Variants in ITGA8 observed in about 807,000 individuals in gnomAD.
ITGA8 encodes the protein integrin subunit alpha 8.
A neutral mutation model predicts 142.3 loss-of-function variants in ITGA8; 91 were observed. That is an observed-to-expected ratio of 0.64 (90% CI 0.54 to 0.76). The LOEUF (loss-of-function observed/expected upper bound fraction) is 0.76. Ranked by LOEUF, ITGA8 falls within the 30% of genes least tolerant of loss-of-function variation. The pLI is 0.00. For missense variants in ITGA8, 1,406 were observed against 1,327.7 expected, an observed-to-expected ratio of 1.06 and a Z score of -0.92; for synonymous variants, 505 against 485.2, an observed-to-expected ratio of 1.04 and a Z score of -0.54.
At chr10:15,580,678 C>T (rs1834391693) in intron 23 of ITGA8, among the ~76,000 whole-genome samples, 2 of 151,808 alleles carry the variant, frequency 1.3e-5, no homozygotes, top group African/African-American at 4.8e-5. Context: ...AAAAGAAAAA[C>T]AATTTAATCA....
In ITGA8 at chr10:15,519,328, A is replaced by G; in HGVS notation, c.3067T>C (p.Leu1023=). 6.2e-7 allele frequency: 1 copy of G among 1,613,820 alleles called. No homozygotes were observed. The highest frequency in any genetic ancestry group is 8.5e-7 in the Non-Finnish European group (1 of 1,179,862). The part of the protein sequence containing the change: ...WVIILAILLG[L]LVLAILTLAL... The stretch of plus-strand genomic sequence containing the variant: ...AAGGTTAAAATGGCGAGAACCAACA[A>G]TCCAAGAAGTATTGCTAGTATTATT... Residue 1023 remains leucine (L), a synonymous_variant, in exon 29 of 30, where the codon TTG becomes CTG. Transcript: ENST00000378076.
chr10:15,532,331 G>T (rs7915561), intron 27 of ITGA8, among the ~76,000 whole-genome samples: 7,940 of 147,054 alleles, frequency 0.054, 679 homozygotes, highest in African/African-American at 0.19. Context: ...AGGCGGGAGA[G>T]TTGCTTGAAC....
At chr10:15,625,609 G>T (rs1224880112) in intron 13 of ITGA8, among the ~76,000 whole-genome samples, 1 of 152,128 alleles carries the variant, frequency 6.6e-6, no homozygotes, top group Non-Finnish European at 1.5e-5. Context: ...AACTCCTATT[G>T]ATAAAAACCT....
chr10:15,688,302 C>CAAAAAA (rs35060475), intron 2 of ITGA8, among the ~76,000 whole-genome samples: 1 of 112,796 alleles, frequency 8.9e-6, no homozygotes, highest in Admixed American at 1.0e-4. Flanking sequence ...CAAAAAATAC[C>CAAAAAA]AAAAAAAAAA....
At chr10:15,520,037 C>A (rs764136311) in intron 28 of ITGA8, among the ~76,000 whole-genome samples, 2 of 152,162 alleles carry the variant, frequency 1.3e-5, no homozygotes, top group African/African-American at 2.4e-5. Flanking sequence ...GGCTAGGCAT[C>A]TTGTATTTTA....
chr10:15,587,375 C>A (rs4750682), intron 22 of ITGA8, among the ~76,000 whole-genome samples: 1 of 152,124 alleles, frequency 6.6e-6, no homozygotes, highest in Non-Finnish European at 1.5e-5. Context: ...TCCTGATTTT[C>A]CTTGCTAATA....
intron 28 of ITGA8, among the ~76,000 whole-genome samples, chr10:15,522,760 C>T (rs747333358): frequency 2.6e-5 from 4 of 152,142 alleles, no homozygotes; most frequent in Non-Finnish European, 4.4e-5. Flanking sequence ...GCCTGTAATC[C>T]CAGCACTTTG....
chr10:15,710,077 AT>A (rs1368336476), intron 2 of ITGA8, among the ~76,000 whole-genome samples: 1 of 151,978 alleles, frequency 6.6e-6, no homozygotes, highest in Non-Finnish European at 1.5e-5. Flanking sequence ...TGTGTGTTTA[AT>A]TTTTTCATTA....
At chr10:15,700,852 T>C (rs775670134) in intron 2 of ITGA8, among the ~76,000 whole-genome samples, 8 of 152,304 alleles carry the variant, frequency 5.3e-5, no homozygotes, top group Middle Eastern at 6.8e-3. Context: ...ATTACCCCTT[T>C]ACATTGTCTT....
intron 2 of ITGA8, among the ~76,000 whole-genome samples, chr10:15,709,550 G>T (rs540767451): frequency 1.4e-3 from 212 of 152,284 alleles, no homozygotes; most frequent in African/African-American, 5.0e-3. Context: ...GAGTTTATCT[G>T]GATGTCTTGA....
At chr10:15,658,948 C>T (rs1384476463) in intron 10 of ITGA8, 51 bp downstream of exon 10, 10 of 1,166,654 alleles carry the variant, frequency 8.6e-6, no homozygotes, top group Non-Finnish European at 1.1e-5. Flanking sequence ...ATATTATAGT[C>T]TACTGGTAAC....
intron 28 of ITGA8, among the ~76,000 whole-genome samples, chr10:15,521,671 C>T (rs947314716): frequency 1.3e-5 from 2 of 152,172 alleles, no homozygotes; most frequent in Non-Finnish European, 2.9e-5. Flanking sequence ...ATCTTTATTT[C>T]ATCTGACACA....
Position 15,604,127 on chromosome 10 carries a change from A to G in ITGA8, c.2118+81T>C, listed in dbSNP as rs9333167. 4.0e-3 allele frequency: 5,029 copies of G among 1,247,342 alleles called. 144 individuals are homozygous for G. The African/African-American group carries it at 0.063, about 16-fold the overall frequency. The allele number at this position is 1,247,342 out of a possible 1,614,324, so 77.3% of individuals were successfully genotyped here. A position where few individuals can be genotyped will look rare whatever the true frequency, so the allele number is the denominator to read the frequency against. ...GTCTTTCATTAAGGAAGAAACTCTC[A>G]GCTAAGATGGCCCTTCTTAACATTT... On this transcript the variant is annotated intron_variant, in intron 20 of 29. Coordinates refer to ENST00000378076, the MANE Select transcript of ITGA8 (RefSeq NM_003638.3).
chr10:15,677,554 C>A, intron 6 of ITGA8, 38 bp downstream of exon 6: 1 of 1,585,892 alleles, frequency 6.3e-7, no homozygotes. Flanking sequence ...CTGTTAGTAA[C>A]AACAAATGTG....
chr10:15,688,833 T>C (rs1156380182), intron 2 of ITGA8, among the ~76,000 whole-genome samples: 1 of 152,180 alleles, frequency 6.6e-6, no homozygotes, highest in Non-Finnish European at 1.5e-5. Flanking sequence ...AAGTTAGTTA[T>C]AGAGGGAATG....
intron 8 of ITGA8, among the ~76,000 whole-genome samples, chr10:15,663,309 A>T (rs905016939): frequency 2.6e-5 from 4 of 152,140 alleles, no homozygotes; most frequent in African/African-American, 9.7e-5. Context: ...TATTTTAGAT[A>T]TTTTATTTTA....
chr10:15,698,771 C>G (rs898519019), intron 2 of ITGA8, among the ~76,000 whole-genome samples: 4 of 152,112 alleles, frequency 2.6e-5, no homozygotes, highest in African/African-American at 9.7e-5. Flanking sequence ...TTTCTTCTTG[C>G]TGATTTGTTT....
chr10:15,625,673 A>G (rs1316276590), intron 13 of ITGA8, among the ~76,000 whole-genome samples: 4 of 152,208 alleles, frequency 2.6e-5, no homozygotes, highest in African/African-American at 9.6e-5. Context: ...GTCCCCCCAA[A>G]AAAGTCCTAT....
At chr10:15,678,128 C>A (rs2131695784) in intron 5 of ITGA8, among the ~76,000 whole-genome samples, 1 of 152,258 alleles carries the variant, frequency 6.6e-6, no homozygotes, top group Non-Finnish European at 1.5e-5. Context: ...CATGAATTGA[C>A]ATCCTCACCT....
Sources: gnomAD v4.1 joint callset for allele counts (sites outside exome capture counted in the v4.1 genomes callset) on GRCh38, gnomAD v4.1.1 for gene constraint, MANE v1.5 for transcripts, NCBI Gene and HGNC (gene_info 2026-07-23, HGNC 2026-07-21) for gene names.